Variants in ZDHHC20 observed in about 807,000 individuals in gnomAD.
ZDHHC20 encodes the protein zDHHC palmitoyltransferase 20, also known as palmitoyltransferase ZDHHC20.
Under a neutral mutation model 57.8 loss-of-function variants are expected in ZDHHC20, and 43 were observed. The ratio of observed to expected loss-of-function variants is 0.74; its 90% CI spans 0.58 to 0.96. The LOEUF is 0.96. ZDHHC20 is among the 40% of genes least tolerant of loss of function. The pLI is 0.00. For synonymous variants in ZDHHC20, 157 were observed against 153.0 expected, an observed-to-expected ratio of 1.03 and a Z score of -0.19; for missense variants, 391 against 441.1, an observed-to-expected ratio of 0.89 and a Z score of 1.02.
intron 5 of ZDHHC20, among the ~76,000 whole-genome samples, chr13:21,401,898 A>G (rs190462516): frequency 9.7e-4 from 148 of 152,334 alleles, no homozygotes; most frequent in Non-Finnish European, 1.8e-3. Context: ...TCAGCTGAAC[A>G]TATTCAGCTG....
intron 12 of ZDHHC20, 53 bp downstream of exon 12, chr13:21,378,608 G>T: frequency 9.5e-7 from 1 of 1,052,394 alleles, no homozygotes; most frequent in Non-Finnish European, 1.3e-6. Flanking sequence ...TAAAGATTAT[G>T]AAATATGCAA....
At chr13:21,413,890 TG>T in intron 3 of ZDHHC20, 118 bp from the exon 4 acceptor site, 1 of 702,704 alleles carries the variant, frequency 1.4e-6, no homozygotes, top group Non-Finnish European at 2.3e-6. Flanking sequence ...AGACAAAACT[TG>T]TCTTCAAAAA....
At chr13:21,378,135 T>A (rs759486566) in intron 12 of ZDHHC20, among the ~76,000 whole-genome samples, 5 of 152,252 alleles carry the variant, frequency 3.3e-5, no homozygotes, top group South Asian at 2.1e-4. Flanking sequence ...CTCGACCTCC[T>A]GGGCTCAAGT....
chr13:21,374,972 A>G lies in ZDHHC20; in HGVS notation c.*1724T>C, dbSNP rs1871820313. 1 of 366,812 alleles carries G rather than the reference A, an allele frequency of 2.7e-6. No homozygotes were observed. The highest frequency in any genetic ancestry group is 5.3e-6 in the Non-Finnish European group (1 of 188,306). 22.7% of individuals were successfully genotyped at this position (366,812 alleles called of 1,614,324 possible). ...AACATGGTGAAACCTCGTCTCTTCT[A>G]AAAATGTGAAAATTAGCCGGGCATG... On this transcript the variant is annotated 3_prime_UTR_variant, in exon 13 of 13. Transcript: ENST00000400590.
At position 21,447,384 on chromosome 13, in the gene ZDHHC20, A is replaced by G. The variant is rs1421419572; in HGVS notation, c.118+11670T>C. On this transcript the variant is annotated intron_variant, in intron 1 of 12. Coordinates refer to ENST00000400590, the MANE Select transcript of ZDHHC20 (RefSeq NM_001330059.2). ...ACCGCTGCCATCTCGGCTCACTGCA[A>G]CCTCCCTGCCTGATTCTCCTGCCTC... 8.1e-4 allele frequency among the ~76,000 whole-genome samples: 116 copies of G among 143,076 alleles called. 4 individuals carry two copies. The highest frequency in any genetic ancestry group is 3.4e-3 in the Middle Eastern group (1 of 292). The allele number at this position is 143,076 out of a possible 152,430, so 93.9% of individuals were successfully genotyped here.
rs1479132032 is a variant in ZDHHC20, at chr13:21,381,423, A to G, written c.1060+11T>C. 1 of 1,598,334 alleles carries G rather than the reference A, an allele frequency of 6.3e-7. No homozygotes were observed. Among genetic ancestry groups the G allele is most frequent in the African/African-American group, 1.3e-5 (1 of 74,720 alleles). On this transcript the variant is annotated intron_variant, in intron 11 of 12. Coordinates refer to ENST00000400590, the MANE Select transcript of ZDHHC20 (RefSeq NM_001330059.2). ...ACCAGACAAAGCAGTGTTTCAAATG[A>G]GAACTATTACCTGATTTGACGATGC...
chr13:21,402,803 CAG>C lies in ZDHHC20; in HGVS notation c.432_433del (p.Cys145Ter). 1 of 1,596,960 alleles carries C rather than the reference CAG, an allele frequency of 6.3e-7. No individual in the cohort carries two copies. The highest frequency in any genetic ancestry group is 1.1e-5 in the South Asian group (1 of 87,628). On this transcript the variant is annotated frameshift_variant, in exon 5 of 13. Transcript: ENST00000400590. LOFTEE classifies it high-confidence loss of function. Reference sequence around the variant, plus strand: ...ATGTGTGAGTAACACTTACGAGTCACAGGCTGAGCAGTGATGCGCCCGATCAG... The same window carrying C: ...ATGTGTGAGTAACACTTACGAGTCACGCTGAGCAGTGATGCGCCCGATCAG...
At chr13:21,440,843 T>C (rs1883073838) in intron 1 of ZDHHC20, among the ~76,000 whole-genome samples, 2 of 152,256 alleles carry the variant, frequency 1.3e-5, no homozygotes, top group South Asian at 4.1e-4. Flanking sequence ...TTATATACTG[T>C]TCCATTAGTC....
chr13:21,382,613 G>C (rs141743760), intron 10 of ZDHHC20, among the ~76,000 whole-genome samples: 1 of 152,022 alleles, frequency 6.6e-6, no homozygotes, highest in Non-Finnish European at 1.5e-5. Flanking sequence ...ATCAAATCTT[G>C]AAAGGTCTTA....
rs1871522163 is a variant in ZDHHC20 at position 21,373,422 on chromosome 13, ATTCAC to A, written c.*3269_*3273del. 2.0e-5 allele frequency: 3 copies of A among 152,244 alleles called. No homozygotes were observed. Among genetic ancestry groups the A allele is most frequent in the Admixed American group, 6.5e-5 (1 of 15,278 alleles). 9.4% of individuals were successfully genotyped at this position (152,244 alleles called of 1,614,324 possible). A position where few individuals can be genotyped will look rare whatever the true frequency, so the allele number is the denominator to read the frequency against. On this transcript the variant is annotated 3_prime_UTR_variant, in exon 13 of 13. Transcript: ENST00000400590. Reference sequence around the variant, plus strand: ...TTGATTTAAACCACCTTACAGTTAAATTCACTCATGACACATTGGATCATAACCAC... The same window carrying A: ...TTGATTTAAACCACCTTACAGTTAAATCATGACACATTGGATCATAACCAC...
Position 21,458,984 on chromosome 13 carries a change from G to C in ZDHHC20, c.118+70C>G. 3 of 1,195,130 alleles carry C rather than the reference G, an allele frequency of 2.5e-6. No individual in the cohort carries two copies. In the South Asian group the frequency reaches 4.7e-5, roughly 19 times the overall value. 74.0% of individuals were successfully genotyped at this position (1,195,130 alleles called of 1,614,324 possible). A position where few individuals can be genotyped will look rare whatever the true frequency, so the allele number is the denominator to read the frequency against. ...GGCTCCAGAAAGGCGGCGGGTGTGG[G>C]GCGCAGAGGCCTATCTCGCGCCCTA... is the stretch of plus-strand genomic sequence containing the variant. On this transcript the variant is annotated intron_variant, in intron 1 of 12. Transcript: ENST00000400590.
intron 1 of ZDHHC20, among the ~76,000 whole-genome samples, chr13:21,443,902 C>T (rs1264117417): frequency 2.0e-5 from 3 of 152,222 alleles, no homozygotes; most frequent in East Asian, 3.8e-4. Flanking sequence ...GTGGCTCACA[C>T]CTGTAATTCC....
chr13:21,431,483 T>TGTA (rs71202416), intron 1 of ZDHHC20, among the ~76,000 whole-genome samples: 2 of 151,364 alleles, frequency 1.3e-5, no homozygotes, highest in Non-Finnish European at 3.0e-5. Flanking sequence ...TTTCATTACT[T>TGTA]AATATCTAAA....
chr13:21,430,958 A>G, intron 1 of ZDHHC20, among the ~76,000 whole-genome samples: 1 of 152,172 alleles, frequency 6.6e-6, no homozygotes, highest in Non-Finnish European at 1.5e-5. Context: ...CAGAACTGGA[A>G]GTCCCTGCTT....
At position 21,459,027 on chromosome 13, in the gene ZDHHC20, G is replaced by A. The variant is rs1236700586; in HGVS notation, c.118+27C>T. The A allele has an allele frequency of 5.1e-6, 8 of 1,554,988 alleles. No homozygotes were observed. In the African/African-American group the frequency reaches 7.1e-5, roughly 14 times the overall value. On this transcript the variant is annotated intron_variant, in intron 1 of 12. Coordinates refer to ENST00000400590, the MANE Select transcript of ZDHHC20 (RefSeq NM_001330059.2). ...GCGCCCTAGCCGCGGCCCGCGCCCCGCCGCAGTCCCCGGGGACGGTACTCA... is the reference window on the plus strand; with the variant it reads ...GCGCCCTAGCCGCGGCCCGCGCCCCACCGCAGTCCCCGGGGACGGTACTCA...
chr13:21,418,364 T>C (rs1880252401), intron 3 of ZDHHC20, among the ~76,000 whole-genome samples: 1 of 152,102 alleles, frequency 6.6e-6, no homozygotes, highest in South Asian at 2.1e-4. Context: ...ATGGATGCAA[T>C]ATGCTAGAAC....
intron 2 of ZDHHC20, among the ~76,000 whole-genome samples, chr13:21,422,753 C>T (rs911664108): frequency 6.6e-6 from 1 of 152,166 alleles, no homozygotes; most frequent in Non-Finnish European, 1.5e-5. Context: ...CTCCTTGCTT[C>T]CAATCCATCT....
chr13:21,449,618 A>G (rs1442061840), intron 1 of ZDHHC20, among the ~76,000 whole-genome samples: 3 of 152,066 alleles, frequency 2.0e-5, no homozygotes, highest in Non-Finnish European at 4.4e-5. Context: ...TCTTGATGGA[A>G]GAAGGTACAA....
chr13:21,388,671 G>C (rs1875058354), intron 8 of ZDHHC20, among the ~76,000 whole-genome samples: 1 of 152,220 alleles, frequency 6.6e-6, no homozygotes, highest in Non-Finnish European at 1.5e-5. Flanking sequence ...CCAGAAACAT[G>C]TGACATTACT....
Sources: allele counts gnomAD v4.1 joint callset (sites outside exome capture counted in the v4.1 genomes callset), GRCh38; gene constraint gnomAD v4.1.1; transcripts MANE v1.5; gene names NCBI Gene and HGNC (gene_info 2026-07-23, HGNC 2026-07-21).